ADGRB3: variants seen among roughly 807,000 people sequenced by gnomAD.
The protein encoded by ADGRB3 is brain-specific angiogenesis inhibitor 3.
In ADGRB3, 37 loss-of-function variants were observed where a neutral mutation model predicts 193.4. The observed-to-expected ratio is 0.19, with a 90% CI of 0.15 to 0.25. The LOEUF is 0.25. ADGRB3 is among the 10% of genes least tolerant of loss of function. ADGRB3 has a pLI of 1.00. For missense variants in ADGRB3, 1,637 were observed against 1,852.9 expected (o/e 0.88, Z 2.14); for synonymous variants, 690 against 644.2 (o/e 1.07, Z -1.08).
At chr6:68,684,335 T>G (rs891398389) in intron 3 of ADGRB3, among the ~76,000 whole-genome samples, 1 of 152,216 alleles carries the variant, frequency 6.6e-6, no homozygotes, top group Admixed American at 6.5e-5. Context: ...TCCTAGACAT[T>G]TACTTCTTAG....
intron 20 of ADGRB3, among the ~76,000 whole-genome samples, chr6:69,255,417 G>A (rs1027991905): frequency 1.3e-5 from 2 of 152,172 alleles, no homozygotes; most frequent in African/African-American, 4.8e-5. Flanking sequence ...GTGTGAGATG[G>A]TATCTCATTG....
intron 3 of ADGRB3, among the ~76,000 whole-genome samples, chr6:68,866,097 T>C (rs1331791433): frequency 7.4e-6 from 1 of 134,602 alleles, no homozygotes; most frequent in Admixed American, 7.8e-5. Context: ...TTAAAACTTC[T>C]TTGTGTCAGA....
At chr6:69,038,329 G>C (rs201580189) in intron 13 of ADGRB3, among the ~76,000 whole-genome samples, 1 of 149,476 alleles carries the variant, frequency 6.7e-6, no homozygotes, top group African/African-American at 2.5e-5. Context: ...TGAATACACA[G>C]ACACACACAC....
intron 12 of ADGRB3, among the ~76,000 whole-genome samples, chr6:69,017,953 T>TGCAA (rs1157735068): frequency 6.6e-6 from 1 of 151,974 alleles, no homozygotes; most frequent in Non-Finnish European, 1.5e-5. Flanking sequence ...TTTATTATTA[T>TGCAA]GCAATAACTT....
At chr6:68,895,647 A>G (rs904153771) in intron 3 of ADGRB3, among the ~76,000 whole-genome samples, 1 of 152,056 alleles carries the variant, frequency 6.6e-6, no homozygotes, top group African/African-American at 2.4e-5. Flanking sequence ...ACAGTGTGCC[A>G]ATTGTTCAGA....
intron 3 of ADGRB3, among the ~76,000 whole-genome samples, chr6:68,783,291 A>AAT (rs72235249): frequency 0.16 from 23,271 of 143,934 alleles, 2,050 homozygotes; most frequent in African/African-American, 0.22. Flanking sequence ...TGCCTCCCTA[A>AAT]ATATATATAT....
At chr6:69,307,333 A>G (rs1355223860) in intron 20 of ADGRB3, among the ~76,000 whole-genome samples, 2 of 151,604 alleles carry the variant, frequency 1.3e-5, no homozygotes, top group African/African-American at 4.9e-5. Flanking sequence ...TTTATGCCAC[A>G]TGCTGTATTT....
At chr6:68,714,059 T>G (rs1456445743) in intron 3 of ADGRB3, among the ~76,000 whole-genome samples, 1 of 151,716 alleles carries the variant, frequency 6.6e-6, no homozygotes, top group Non-Finnish European at 1.5e-5. Flanking sequence ...TCTAAAAGAG[T>G]ATTTTTTGGC....
Position 68,943,926 on chromosome 6 carries a change from A to G in ADGRB3, c.1127A>G (p.Gln376Arg). The G allele has an allele frequency of 2.5e-6, 4 of 1,613,926 alleles. No homozygotes were observed. Among genetic ancestry groups the G allele is most frequent in the Non-Finnish European group, 3.4e-6 (4 of 1,179,826 alleles). ...RTRTRSCTPP[Q>R]YGGRPCEGPE... Reference sequence around the variant, plus strand: ...AGAACAAGGTCATGCACACCTCCTCAGTATGGAGGAAGGCCGTGTGAAGGA... The same window carrying G: ...AGAACAAGGTCATGCACACCTCCTCGGTATGGAGGAAGGCCGTGTGAAGGA... Residue 376 changes from glutamine to arginine, a missense_variant, in exon 6 of 32, where the codon CAG (glutamine) becomes CGG (arginine). Physicochemically the swap from Gln to Arg is conservative, Grantham distance 43. Coordinates refer to ENST00000370598, the MANE Select transcript of ADGRB3 (RefSeq NM_001704.3).
chr6:69,100,457 A>C (rs1773000692), intron 17 of ADGRB3, among the ~76,000 whole-genome samples: 1 of 152,162 alleles, frequency 6.6e-6, no homozygotes, highest in Non-Finnish European at 1.5e-5. Flanking sequence ...CAGAGATAAA[A>C]AGAGGAGAGG....
At chr6:68,985,055 G>A (rs1415917807) in intron 10 of ADGRB3, among the ~76,000 whole-genome samples, 2 of 151,810 alleles carry the variant, frequency 1.3e-5, no homozygotes, top group Non-Finnish European at 2.9e-5. Context: ...AATAGGATTA[G>A]CAGGCTGCAT....
intron 3 of ADGRB3, among the ~76,000 whole-genome samples, chr6:68,885,689 A>T (rs1186297767): frequency 2.6e-5 from 4 of 152,174 alleles, no homozygotes; most frequent in African/African-American, 4.8e-5. Context: ...CAGAAAGGGG[A>T]GATATTGATC....
At chr6:69,047,543 T>C (rs906992700) in intron 13 of ADGRB3, among the ~76,000 whole-genome samples, 1 of 151,782 alleles carries the variant, frequency 6.6e-6, no homozygotes, top group Non-Finnish European at 1.5e-5. Context: ...ATTTTTACTT[T>C]CAATTTTAGA....
At chr6:69,279,262 T>G (rs1389494699) in intron 20 of ADGRB3, among the ~76,000 whole-genome samples, 1 of 151,772 alleles carries the variant, frequency 6.6e-6, no homozygotes, top group East Asian at 1.9e-4. Context: ...TAAGAACACT[T>G]ACATTAGTCT....
chr6:69,379,910 C>T (rs998149010), intron 30 of ADGRB3, among the ~76,000 whole-genome samples: 3 of 151,964 alleles, frequency 2.0e-5, no homozygotes, highest in East Asian at 1.9e-4. Flanking sequence ...TTCATTTCAG[C>T]GTCCTTCAGC....
In ADGRB3 at chr6:69,387,527, A is replaced by G. The variant is rs540631226; in HGVS notation, c.4381-1176A>G. Among the ~76,000 whole-genome samples, 3 of 152,158 alleles carry G rather than the reference A, an allele frequency of 2.0e-5. No individual in the cohort carries two copies. In the East Asian group the frequency reaches 5.8e-4, roughly 29 times the overall value. Reference sequence around the variant, plus strand: ...GCTGAAAACATCTAATGCATTAAACATTTTATTAATTTAATTTCCAGTTAT... The same window carrying G: ...GCTGAAAACATCTAATGCATTAAACGTTTTATTAATTTAATTTCCAGTTAT... On this transcript the variant is annotated intron_variant, in intron 31 of 31. Transcript: ENST00000370598.
intron 17 of ADGRB3, among the ~76,000 whole-genome samples, chr6:69,216,460 C>T (rs701654): frequency 0.24 from 36,186 of 151,986 alleles, 5,205 homozygotes; most frequent in African/African-American, 0.4. Flanking sequence ...CTGTTGCCAT[C>T]GGCCCAGGAG....
At chr6:68,928,172 T>C in intron 3 of ADGRB3, among the ~76,000 whole-genome samples, 1 of 152,144 alleles carries the variant, frequency 6.6e-6, no homozygotes, top group Non-Finnish European at 1.5e-5. Flanking sequence ...TTTAAAAAAA[T>C]GAACACTTCA....
chr6:69,087,966 C>T (rs1772596995), intron 17 of ADGRB3, among the ~76,000 whole-genome samples: 1 of 152,148 alleles, frequency 6.6e-6, no homozygotes, highest in Non-Finnish European at 1.5e-5. Context: ...TATGTATGGT[C>T]TGCTTCAAAA....
Sources: gnomAD v4.1 joint callset for allele counts (sites outside exome capture counted in the v4.1 genomes callset) on GRCh38, gnomAD v4.1.1 for gene constraint, MANE v1.5 for transcripts, NCBI Gene and HGNC (gene_info 2026-07-23, HGNC 2026-07-21) for gene names.